LNX1: variants seen among roughly 807,000 people sequenced by gnomAD.
LNX1 encodes ligand of numb-protein X 1.
LNX1 carries 54 observed loss-of-function variants against 68.4 expected under a neutral mutation model. That is an observed-to-expected ratio of 0.79 (90% CI 0.63 to 0.99). The LOEUF is 0.99. LNX1 is among the 50% of genes least tolerant of loss of function. The pLI, the probability that LNX1 is intolerant of heterozygous loss-of-function variation, is 0.00. For synonymous variants in LNX1, 336 were observed against 350.0 expected, an observed-to-expected ratio of 0.96 and a Z score of 0.45; for missense variants, 906 against 926.4, an observed-to-expected ratio of 0.98 and a Z score of 0.29.
At chr4:53,643,221 G>T (rs751413177) in intron 1 of LNX1, among the ~76,000 whole-genome samples, 6 of 151,994 alleles carry the variant, frequency 3.9e-5, no homozygotes, top group South Asian at 2.1e-4. Flanking sequence ...CACGATCATG[G>T]CTCACTGCAG....
At position 53,481,676 on chromosome 4, in the gene LNX1, A is replaced by G. The variant is rs538180079; in HGVS notation, c.1485+44T>C. The G allele has an allele frequency of 2.0e-5, 32 of 1,593,140 alleles. No individual in the cohort carries two copies. In the African/African-American group the frequency reaches 3.8e-4, roughly 19 times the overall value. The stretch of plus-strand genomic sequence containing the variant: ...GTTAAAACAAGCAGCCTTCCCAAGA[A>G]ATAGCCCCTTGCAGGAGCAGGCGAC... On this transcript the variant is annotated intron_variant, in intron 7 of 10. Transcript: ENST00000263925.
At chr4:53,639,692 C>A (rs2109882995) in intron 1 of LNX1, among the ~76,000 whole-genome samples, 1 of 152,258 alleles carries the variant, frequency 6.6e-6, no homozygotes, top group Non-Finnish European at 1.5e-5. Context: ...CTGTTCATAT[C>A]TCATGACTGC....
At chr4:53,609,628 A>ATTTATAACATATAG (rs1733390702) in intron 2 of LNX1, among the ~76,000 whole-genome samples, 4 of 145,666 alleles carry the variant, frequency 2.7e-5, no homozygotes, top group Admixed American at 7.0e-5. Context: ...TATAAATAGT[A>ATTTATAACATATAG]TATATAATTA....
In LNX1 at chr4:53,573,820, G is replaced by A. The variant is rs771731130; in HGVS notation, c.183C>T (p.Cys61=). 9.9e-6 allele frequency: 16 copies of A among 1,613,524 alleles called. No individual in the cohort carries two copies. The South Asian group carries it at 1.8e-4, about 18-fold the overall frequency. ...CCAGGAAGTTGGTGAGGCAGAGGGT[G>A]CAGTAGGTGTGTCCACACGGAGTGT... ...PLDTPCGHTY[C]TLCLTNFLVE... Residue 61 remains cysteine (C), a synonymous_variant, in exon 2 of 11, where the codon TGC becomes TGT. Coordinates refer to ENST00000263925, the MANE Select transcript of LNX1 (RefSeq NM_001126328.3).
At chr4:53,571,362 A>T (rs1731155770) in intron 2 of LNX1, among the ~76,000 whole-genome samples, 1 of 152,086 alleles carries the variant, frequency 6.6e-6, no homozygotes, top group South Asian at 2.1e-4. Context: ...TGGATTATCC[A>T]GGTGGGCCCA....
intron 1 of LNX1, among the ~76,000 whole-genome samples, chr4:53,587,903 A>G (rs1732272176): frequency 6.6e-6 from 1 of 152,166 alleles, no homozygotes; most frequent in African/African-American, 2.4e-5. Context: ...GAACTCCAAG[A>G]GAAACAACAC....
chr4:53,521,514 C>T lies in LNX1; in HGVS notation c.381-13287G>A, dbSNP rs148936202. On this transcript the variant is annotated intron_variant, in intron 2 of 10. Coordinates refer to ENST00000263925, the MANE Select transcript of LNX1 (RefSeq NM_001126328.3). ...TTCTTCCTTGCTCGGGGTTTGGAAA[C>T]GTGTCATGCAAAGATAGCTGGTTCC... Among the ~76,000 whole-genome samples, 538 of 152,218 alleles carry T rather than the reference C, an allele frequency of 3.5e-3. 1 individual carries two copies. The highest frequency in any genetic ancestry group is 0.012 in the African/African-American group (506 of 41,536).
At chr4:53,544,848 A>G (rs949181234) in intron 2 of LNX1, among the ~76,000 whole-genome samples, 1 of 152,194 alleles carries the variant, frequency 6.6e-6, no homozygotes, top group Non-Finnish European at 1.5e-5. Context: ...ACATCATAAC[A>G]GAGAAGTTAA....
chr4:53,464,484 T>C (rs1435812502), intron 9 of LNX1, among the ~76,000 whole-genome samples: 1 of 18,208 alleles, frequency 5.5e-5, no homozygotes, highest in Non-Finnish European at 1.3e-4. Context: ...ATAATCAACA[T>C]GAAAAAGATG....
At chr4:53,568,099 C>A (rs1280171165) in intron 2 of LNX1, among the ~76,000 whole-genome samples, 1 of 152,150 alleles carries the variant, frequency 6.6e-6, no homozygotes, top group East Asian at 1.9e-4. Flanking sequence ...CCTTCTGAAA[C>A]TATTCCAATT....
At chr4:53,484,770 G>A (rs2109429636) in intron 6 of LNX1, among the ~76,000 whole-genome samples, 1 of 152,272 alleles carries the variant, frequency 6.6e-6, no homozygotes, top group Non-Finnish European at 1.5e-5. Context: ...TACAGTAAGA[G>A]TGTCTATTGT....
intron 1 of LNX1, among the ~76,000 whole-genome samples, chr4:53,639,461 T>A: frequency 6.6e-6 from 1 of 152,274 alleles, no homozygotes; most frequent in East Asian, 1.9e-4. Flanking sequence ...AAAATCTGCT[T>A]CCTAATAAAT....
chr4:53,527,810 C>A (rs1727731668), intron 2 of LNX1, among the ~76,000 whole-genome samples: 1 of 152,170 alleles, frequency 6.6e-6, no homozygotes, highest in Non-Finnish European at 1.5e-5. Flanking sequence ...AGGACAATGA[C>A]TTTATGAAAG....
At chr4:53,547,300 C>A (rs1729179132) in intron 2 of LNX1, among the ~76,000 whole-genome samples, 1 of 152,160 alleles carries the variant, frequency 6.6e-6, no homozygotes, top group African/African-American at 2.4e-5. Flanking sequence ...ATGATAAAAT[C>A]CACAAGTTAA....
At chr4:53,530,036 T>C (rs1291500865) in intron 2 of LNX1, among the ~76,000 whole-genome samples, 1 of 152,198 alleles carries the variant, frequency 6.6e-6, no homozygotes, top group Non-Finnish European at 1.5e-5. Flanking sequence ...AATAGAAGTT[T>C]GATATGTTTT....
chr4:53,477,687 C>T (rs1456276109), intron 8 of LNX1, among the ~76,000 whole-genome samples: 1 of 152,156 alleles, frequency 6.6e-6, no homozygotes, highest in Non-Finnish European at 1.5e-5. Flanking sequence ...TCCCCTATTT[C>T]CATTTTCTAT....
intron 1 of LNX1, among the ~76,000 whole-genome samples, chr4:53,585,077 C>T (rs1732080432): frequency 6.6e-6 from 1 of 152,146 alleles, no homozygotes; most frequent in African/African-American, 2.4e-5. Flanking sequence ...CCTTTGAAAA[C>T]CCGTACCTGG....
chr4:53,558,208 G>A (rs1730054966), intron 2 of LNX1: 1 of 1,290,050 alleles, frequency 7.8e-7, no homozygotes, highest in South Asian at 1.7e-5. Context: ...TGGCGAGAGA[G>A]CTTAGGCTGA....
chr4:53,462,410 C>T (rs1392741778), intron 9 of LNX1, among the ~76,000 whole-genome samples: 1 of 152,046 alleles, frequency 6.6e-6, no homozygotes, highest in Non-Finnish European at 1.5e-5. Flanking sequence ...GAATTTTACT[C>T]CAGGATGACG....
Sources: allele counts gnomAD v4.1 joint callset (sites outside exome capture counted in the v4.1 genomes callset), GRCh38; gene constraint gnomAD v4.1.1; transcripts MANE v1.5; gene names NCBI Gene and HGNC (gene_info 2026-07-23, HGNC 2026-07-21).